Variants in PCP4 observed in about 807,000 individuals in gnomAD.
PCP4 encodes the protein calmodulin regulator protein PCP4.
PCP4 carries 8 observed loss-of-function variants against 10.0 expected under a neutral mutation model. The ratio of observed to expected loss-of-function variants is 0.80; its 90% CI spans 0.47 to 1.45. The LOEUF (loss-of-function observed/expected upper bound fraction) is 1.45, where lower values mean the gene tolerates loss of function less well. Ranked by LOEUF, PCP4 falls within the 40% of genes most tolerant of loss-of-function variation. The probability of loss-of-function intolerance (pLI) is 0.00; values close to 1 mark genes in which losing one functional copy is unlikely to be tolerated. For missense variants in PCP4, 54 were observed against 74.4 expected (o/e 0.73, Z 1.01); for synonymous variants, 21 against 23.0 (o/e 0.91, Z 0.24).
chr21:39,889,995 G>A (rs948381320), intron 1 of PCP4, among the ~76,000 whole-genome samples: 1 of 152,168 alleles, frequency 6.6e-6, no homozygotes, highest in African/African-American at 2.4e-5. Context: ...TGATAAAACA[G>A]GTTTGGGTGA....
intron 1 of PCP4, among the ~76,000 whole-genome samples, chr21:39,894,226 T>A (rs897622158): frequency 2.0e-5 from 3 of 152,162 alleles, no homozygotes; most frequent in African/African-American, 7.2e-5. Context: ...GTGGTTGAAG[T>A]TGATGTGACT....
intron 2 of PCP4, among the ~76,000 whole-genome samples, chr21:39,900,076 C>T (rs532153024): frequency 3.3e-5 from 5 of 152,198 alleles, no homozygotes; most frequent in Non-Finnish European, 7.4e-5. Context: ...CTCTTGTTGC[C>T]CAGGCTGGAG....
At chr21:39,873,104 A>G (rs1356987777) in intron 1 of PCP4, among the ~76,000 whole-genome samples, 4 of 152,160 alleles carry the variant, frequency 2.6e-5, no homozygotes, top group Admixed American at 2.0e-4. Flanking sequence ...CTCACTTCAG[A>G]TAAGCTCAAT....
chr21:39,881,841 C>T (rs935748300), intron 1 of PCP4, among the ~76,000 whole-genome samples: 6 of 152,184 alleles, frequency 3.9e-5, no homozygotes, highest in African/African-American at 1.4e-4. Flanking sequence ...AATCTTTCCC[C>T]TTCTAGACCG....
chr21:39,903,419 C>T (rs1196942174), intron 2 of PCP4, among the ~76,000 whole-genome samples: 7 of 152,206 alleles, frequency 4.6e-5, no homozygotes, highest in African/African-American at 1.4e-4. Flanking sequence ...TTTTGAACTA[C>T]CTGTGGGACT....
At chr21:39,878,056 A>G (rs1270321890) in intron 1 of PCP4, among the ~76,000 whole-genome samples, 1 of 152,092 alleles carries the variant, frequency 6.6e-6, no homozygotes, top group Admixed American at 6.6e-5. Flanking sequence ...CCAGCACTAT[A>G]TCATTGAACT....
At chr21:39,898,400 C>A in intron 1 of PCP4, 76 bp from the exon 2 acceptor site, 2 of 1,167,558 alleles carry the variant, frequency 1.7e-6, no homozygotes, top group Non-Finnish European at 2.6e-6. Context: ...GAGATGTTTG[C>A]AACAATAAAA....
At chr21:39,911,070 C>G (rs2837288) in intron 2 of PCP4, among the ~76,000 whole-genome samples, 42,584 of 151,796 alleles carry the variant, frequency 0.28, 7,289 homozygotes, top group Middle Eastern at 0.41. Flanking sequence ...ACATTTGACT[C>G]CTTTTGATTT....
At chr21:39,900,705 C>G (rs1253195192) in intron 2 of PCP4, among the ~76,000 whole-genome samples, 1 of 152,042 alleles carries the variant, frequency 6.6e-6, no homozygotes, top group Non-Finnish European at 1.5e-5. Flanking sequence ...ATGGGATGGG[C>G]TGGGAATTCA....
chr21:39,902,182 T>C (rs1004451459), intron 2 of PCP4, among the ~76,000 whole-genome samples: 4 of 152,174 alleles, frequency 2.6e-5, no homozygotes, highest in Non-Finnish European at 5.9e-5. Context: ...TATTGAAATA[T>C]GAAGTATTAA....
intron 2 of PCP4, among the ~76,000 whole-genome samples, chr21:39,910,262 C>G (rs1601185231): frequency 6.6e-6 from 1 of 152,256 alleles, no homozygotes; most frequent in East Asian, 1.9e-4. Context: ...ACCAGTTCAC[C>G]AAATCCAAGT....
intron 2 of PCP4, among the ~76,000 whole-genome samples, chr21:39,909,048 G>A (rs1257650270): frequency 1.3e-5 from 2 of 152,112 alleles, no homozygotes; most frequent in East Asian, 3.9e-4. Context: ...TCTGCACCAT[G>A]GTGAAGAAAT....
chr21:39,895,722 C>T (rs11702794), intron 1 of PCP4, among the ~76,000 whole-genome samples: 27,700 of 152,176 alleles, frequency 0.18, 3,147 homozygotes, highest in Admixed American at 0.28. Flanking sequence ...GGTGCTTGAG[C>T]GCCCTTGAAG....
intron 1 of PCP4, among the ~76,000 whole-genome samples, chr21:39,888,501 G>A (rs2087412336): frequency 6.6e-6 from 1 of 152,128 alleles, no homozygotes; most frequent in African/African-American, 2.4e-5. Context: ...ATTTTTCTTT[G>A]GCAGGGAGGG....
chr21:39,871,557 G>A (rs2087320176), intron 1 of PCP4, among the ~76,000 whole-genome samples: 1 of 152,210 alleles, frequency 6.6e-6, no homozygotes, highest in Non-Finnish European at 1.5e-5. Context: ...GACTCTGACA[G>A]ATCAAGCAAG....
At chr21:39,903,772 G>A (rs554216308) in intron 2 of PCP4, among the ~76,000 whole-genome samples, 1 of 150,996 alleles carries the variant, frequency 6.6e-6, no homozygotes, top group Non-Finnish European at 1.5e-5. Flanking sequence ...GGAGGCTGAG[G>A]CAGGAGAATG....
intron 1 of PCP4, among the ~76,000 whole-genome samples, chr21:39,870,653 C>G (rs1283183257): frequency 6.6e-6 from 1 of 152,170 alleles, no homozygotes; most frequent in Non-Finnish European, 1.5e-5. Flanking sequence ...TTTAGGAGAG[C>G]TAGGGGCAAG....
At chr21:39,889,834 T>C (rs748435170) in intron 1 of PCP4, among the ~76,000 whole-genome samples, 4 of 152,212 alleles carry the variant, frequency 2.6e-5, no homozygotes, top group African/African-American at 4.8e-5. Flanking sequence ...CTGGAATTCA[T>C]TTCACATTTC....
chr21:39,921,092 C>A (rs1021804649), intron 2 of PCP4, among the ~76,000 whole-genome samples: 2 of 152,250 alleles, frequency 1.3e-5, no homozygotes, highest in Non-Finnish European at 2.9e-5. Context: ...ACAGGGATGG[C>A]TCTCTCAGAC....
Sources: gnomAD v4.1 joint callset for allele counts (sites outside exome capture counted in the v4.1 genomes callset) on GRCh38, gnomAD v4.1.1 for gene constraint, MANE v1.5 for transcripts, NCBI Gene and HGNC (gene_info 2026-07-23, HGNC 2026-07-21) for gene names.